The following ARHGAP32 variants were observed in gnomAD, a reference collection of about 807,000 sequenced individuals.
ARHGAP32 encodes the protein Rho GTPase activating protein 32.
Under a neutral mutation model 186.5 loss-of-function variants are expected in ARHGAP32, and 51 were observed. The ratio of observed to expected loss-of-function variants is 0.27; its 90% confidence interval spans 0.22 to 0.35. The LOEUF (loss-of-function observed/expected upper bound fraction) is 0.35, where lower values mean the gene tolerates loss of function less well. Ranked by LOEUF, ARHGAP32 falls within the 10% of genes least tolerant of loss-of-function variation. The pLI is 1.00. For synonymous variants in ARHGAP32, 950 were observed against 964.3 expected (o/e 0.99, Z 0.27); for missense variants, 2,186 against 2,623.5 (o/e 0.83, Z 3.64).
intron 1 of ARHGAP32, among the ~76,000 whole-genome samples, chr11:129,274,018 CAA>C (rs34977774): frequency 5.1e-4 from 73 of 142,266 alleles, no homozygotes; most frequent in Middle Eastern, 3.7e-3. Context: ...TAGCCGGAAG[CAA>C]AAAAAAAAAA....
intron 2 of ARHGAP32, among the ~76,000 whole-genome samples, chr11:129,157,682 C>G (rs1943437730): frequency 6.6e-6 from 1 of 152,056 alleles, no homozygotes; most frequent in Non-Finnish European, 1.5e-5. Flanking sequence ...GAGAACTTCC[C>G]CAACCTAGCA....
chr11:129,193,667 T>A (rs1379152135), upstream of ARHGAP32, among the ~76,000 whole-genome samples: 26 of 47,220 alleles, frequency 5.5e-4, no homozygotes, highest in East Asian at 1.7e-3. Flanking sequence ...CAATATATAT[T>A]ATATATAATA....
At position 129,090,838 on chromosome 11, in the gene ARHGAP32, T is replaced by C. The variant is rs531948548; in HGVS notation, c.531+2783A>G. On this transcript the variant is annotated intron_variant, in intron 6 of 22. Transcript: ENST00000682385. ...ATTAGTGTCAGGGTTTATCTAATTT[T>C]GGCCTTTTAAAATTATTAAATTTTA... is the stretch of plus-strand genomic sequence containing the variant. Among the ~76,000 whole-genome samples, 593 of 152,324 alleles carry C rather than the reference T, an allele frequency of 3.9e-3. 2 individuals are homozygous for C. The highest frequency in any genetic ancestry group is 0.014 in the African/African-American group (567 of 41,584).
intron 11 of ARHGAP32, among the ~76,000 whole-genome samples, chr11:129,029,107 G>T (rs1232136627): frequency 1.3e-5 from 2 of 152,118 alleles, no homozygotes; most frequent in Non-Finnish European, 2.9e-5. Context: ...AACAAAATTA[G>T]CAAATTAAGT....
chr11:129,279,117 C>T, intron 1 of ARHGAP32: 1 of 147,262 alleles, frequency 6.8e-6, no homozygotes, highest in South Asian at 1.8e-4. Flanking sequence ...GTCACCGGCG[C>T]CCCCGGCCCT....
At chr11:129,196,373 A>C (rs987017852), upstream of ARHGAP32, among the ~76,000 whole-genome samples, 1 of 152,214 alleles carries the variant, frequency 6.6e-6, no homozygotes, top group Non-Finnish European at 1.5e-5. Context: ...TCTTCTTGTC[A>C]TTATTCCCTA....
intron 1 of ARHGAP32, among the ~76,000 whole-genome samples, chr11:129,166,743 TAA>T (rs918621355): frequency 2.9e-5 from 4 of 139,636 alleles, no homozygotes; most frequent in African/African-American, 1.0e-4. Flanking sequence ...AAAGAAATAG[TAA>T]AGAGAATTCC....
intron 1 of ARHGAP32, among the ~76,000 whole-genome samples, chr11:129,211,873 G>T: frequency 6.6e-6 from 1 of 152,134 alleles, no homozygotes; most frequent in Non-Finnish European, 1.5e-5. Flanking sequence ...TACTAAAATT[G>T]GCCAGGTGTG....
chr11:129,003,039 G>C (rs1448004803), intron 11 of ARHGAP32, among the ~76,000 whole-genome samples: 1 of 152,102 alleles, frequency 6.6e-6, no homozygotes, highest in African/African-American at 2.4e-5. Context: ...CTCGTGATCT[G>C]CCCGCCTCGG....
In ARHGAP32 at chr11:128,986,637, G is replaced by A. The variant is rs755957022; in HGVS notation, c.1330C>T (p.Leu444=). 3.7e-6 allele frequency: 6 copies of A among 1,614,060 alleles called. No homozygotes were observed. Among genetic ancestry groups the A allele is most frequent in the Non-Finnish European group, 8.5e-7 (1 of 1,179,918 alleles). ...HEFDSEHVPD[L]TKEPYVQDIH... is the part of the protein sequence containing the mutation. ...TCCTGAACATACGGTTCTTTCGTCA[G>A]GTCGGGGACGTGCTCAGAGTCAAAT... The change falls in exon 14 of 23, where the codon CTG becomes TTG. Residue 444 remains leucine, a synonymous_variant. Transcript: ENST00000682385.
chr11:129,256,314 A>AG (rs11449590), intron 1 of ARHGAP32, among the ~76,000 whole-genome samples: 52,690 of 151,832 alleles, frequency 0.35, 9,535 homozygotes, highest in South Asian at 0.46. Context: ...ATTTTTAAAA[A>AG]GGAAAAAAAA....
Position 128,969,346 on chromosome 11 carries a change from A to T in ARHGAP32, c.5867T>A (p.Val1956Glu). Residue 1956 changes from valine to glutamate, a missense_variant, in exon 23 of 23, where the codon GTA becomes GAA. This residue lies in a region of ARHGAP32 where 1,502 missense variants were observed against 1,570.0 expected (regional missense o/e 0.96). Transcript: ENST00000682385. The surrounding 1 kb of genome is among the most constrained non-coding windows in gnomAD (Gnocchi z 4.8). ...TCGCTCCATCTCTTTGGAGAGCCTT[A>T]CCTCTTTGTGGTTCAGTCTTAAAGA... ...QESLRLNHKE[V>E]RLSKEMERPW... is the part of the protein sequence containing the mutation. 2 of 1,614,068 alleles carry T rather than the reference A, an allele frequency of 1.2e-6. No homozygotes were observed. Among genetic ancestry groups the T allele is most frequent in the Non-Finnish European group, 1.7e-6 (2 of 1,179,996 alleles).
At chr11:129,231,961 G>C (rs953713575) in intron 1 of ARHGAP32, among the ~76,000 whole-genome samples, 1 of 138,756 alleles carries the variant, frequency 7.2e-6, no homozygotes, top group Non-Finnish European at 1.5e-5. Context: ...GGAGGTTAAG[G>C]CTGCAGTGAA....
intron 1 of ARHGAP32, among the ~76,000 whole-genome samples, chr11:129,248,500 A>T (rs1945134308): frequency 6.6e-6 from 1 of 152,200 alleles, no homozygotes; most frequent in Admixed American, 6.5e-5. Flanking sequence ...TGAACAAAAC[A>T]TCTTTATAAG....
At chr11:129,013,711 TTTC>T (rs1158353661) in intron 11 of ARHGAP32, among the ~76,000 whole-genome samples, 4 of 152,198 alleles carry the variant, frequency 2.6e-5, no homozygotes, top group Non-Finnish European at 5.9e-5. Flanking sequence ...TTAAATTAGT[TTTC>T]TTCATTTTAA....
chr11:128,998,006 G>T (rs928639240), intron 12 of ARHGAP32, among the ~76,000 whole-genome samples: 2 of 152,156 alleles, frequency 1.3e-5, no homozygotes, highest in East Asian at 3.8e-4. Flanking sequence ...AAATGTGGGT[G>T]GCAAAACTGG....
chr11:129,186,645 A>T (rs539969944), intron 1 of ARHGAP32, among the ~76,000 whole-genome samples: 57 of 152,336 alleles, frequency 3.7e-4, no homozygotes, highest in Non-Finnish European at 3.2e-4. Flanking sequence ...AGAATATATA[A>T]GGAGCCCAAA....
intron 10 of ARHGAP32, among the ~76,000 whole-genome samples, chr11:129,047,812 G>A (rs911843223): frequency 2.0e-5 from 3 of 152,162 alleles, no homozygotes; most frequent in African/African-American, 7.2e-5. Context: ...TAGACGGTAA[G>A]TCAATGAGTC....
chr11:129,058,219 ACACTCT>A (rs1179430277), intron 10 of ARHGAP32, among the ~76,000 whole-genome samples: 21 of 80,700 alleles, frequency 2.6e-4, no homozygotes, highest in African/African-American at 8.3e-4. Context: ...ACACACACAC[ACACTCT>A]CTCTCTCTCT....
Sources: gnomAD v4.1 joint callset for allele counts (sites outside exome capture counted in the v4.1 genomes callset) on GRCh38, gnomAD v4.1.1 for gene constraint, gnomAD v4.1.1 regional missense constraint, Gnocchi (gnomAD v3.1) non-coding constraint, MANE v1.5 for transcripts, NCBI Gene and HGNC (gene_info 2026-07-23, HGNC 2026-07-21) for gene names.